SASS6: variants seen among roughly 807,000 people sequenced by gnomAD.
SASS6 encodes the protein spindle assembly abnormal protein 6 homolog.
A neutral mutation model predicts 94.9 loss-of-function variants in SASS6; 59 were observed. The ratio of observed to expected loss-of-function variants is 0.62; its 90% CI spans 0.50 to 0.77. The LOEUF (loss-of-function observed/expected upper bound fraction) is 0.77. Among genes scored for constraint, SASS6 ranks in the 30% least tolerant of loss-of-function variants. SASS6 has a pLI of 0.00. For synonymous variants in SASS6, 264 were observed against 270.0 expected (o/e 0.98, Z 0.22); for missense variants, 698 against 734.1 (o/e 0.95, Z 0.57).
intron 7 of SASS6, among the ~76,000 whole-genome samples, chr1:100,116,890 C>CT (rs1387141104): frequency 1.3e-5 from 2 of 152,178 alleles, no homozygotes; most frequent in South Asian, 2.1e-4. Flanking sequence ...GGTCCAATTT[C>CT]TTTATCTTAA....
At position 100,121,568 on chromosome 1, in the gene SASS6, A is replaced by C. The variant is rs542599244; in HGVS notation, c.312-19T>G. 7.2e-7 allele frequency: 1 copy of C among 1,389,796 alleles called. No homozygotes were observed. Among genetic ancestry groups the C allele is most frequent in the South Asian group, 1.2e-5 (1 of 82,040 alleles). 86.1% of individuals were successfully genotyped at this position (1,389,796 alleles called of 1,614,324 possible). A position where few individuals can be genotyped will look rare whatever the true frequency, so the allele number is the denominator to read the frequency against. ...CAAAAACCTTTGAAAAGAAAATGTT[A>C]CATTATAACACACTTAAGAGATAGT... On this transcript the variant is annotated intron_variant, in intron 4 of 16. Transcript: ENST00000287482.
chr1:100,110,287 A>G lies in SASS6; in HGVS notation c.861+5T>C. 6.5e-7 allele frequency: 1 copy of G among 1,530,770 alleles called. No homozygotes were observed. The highest frequency in any genetic ancestry group is 1.3e-5 in the South Asian group (1 of 79,956). 94.8% of individuals were successfully genotyped at this position (1,530,770 alleles called of 1,614,324 possible). ...TGGGGGAGGAAAAAAAACAACATTCAATACCTCTTCAACACCAGAAAGTTT... is the reference window on the plus strand; with the variant it reads ...TGGGGGAGGAAAAAAAACAACATTCGATACCTCTTCAACACCAGAAAGTTT... On this transcript the variant is annotated splice_donor_5th_base_variant and intron_variant, in intron 8 of 16. Transcript: ENST00000287482.
chr1:100,120,612 C>T (rs571152520), intron 5 of SASS6, among the ~76,000 whole-genome samples, 153 bp from the exon 6 acceptor site: 97 of 152,292 alleles, frequency 6.4e-4, no homozygotes, highest in African/African-American at 2.2e-3. Flanking sequence ...ACAAGATCCC[C>T]AGATAATTTA....
At chr1:100,114,678 A>G (rs1653659549) in intron 7 of SASS6, among the ~76,000 whole-genome samples, 1 of 152,064 alleles carries the variant, frequency 6.6e-6, no homozygotes, top group African/African-American at 2.4e-5. Flanking sequence ...GGACCACACC[A>G]CTGCACTCCA....
At chr1:100,132,324 A>T (rs957676516) in intron 1 of SASS6, among the ~76,000 whole-genome samples, 5 of 152,182 alleles carry the variant, frequency 3.3e-5, no homozygotes, top group African/African-American at 1.2e-4. Context: ...TACTGCCAAC[A>T]TACTTCAAAA....
At chr1:100,123,761 G>C (rs1570710331) in intron 2 of SASS6, among the ~76,000 whole-genome samples, 1 of 152,166 alleles carries the variant, frequency 6.6e-6, no homozygotes, top group Non-Finnish European at 1.5e-5. Flanking sequence ...AGAAGACCAG[G>C]GTATCAGGTA....
rs1321536533 is a variant in SASS6 at position 100,084,675 on chromosome 1, C to T, written c.*653G>A. 6.6e-6 allele frequency: 1 copy of T among 152,032 alleles called. No individual in the cohort carries two copies. The highest frequency in any genetic ancestry group is 2.1e-4 in the South Asian group (1 of 4,826). The allele number at this position is 152,032 out of a possible 1,614,324, so 9.4% of individuals were successfully genotyped here. On this transcript the variant is annotated 3_prime_UTR_variant, in exon 17 of 17. Transcript: ENST00000287482. ...CTGAAGTTTTAAAAACTTGTCAGCT[C>T]AAATGACAAAAGCACTTAATCTGGT... is the stretch of plus-strand genomic sequence containing the variant.
At chr1:100,089,704 T>C (rs1651547636) in intron 14 of SASS6, among the ~76,000 whole-genome samples, 1 of 152,082 alleles carries the variant, frequency 6.6e-6, no homozygotes, top group Non-Finnish European at 1.5e-5. Context: ...AATTAATTCC[T>C]CACAGACCTG....
chr1:100,125,685 A>C (rs1245037304), intron 2 of SASS6, among the ~76,000 whole-genome samples, 197 bp downstream of exon 2: 2 of 151,480 alleles, frequency 1.3e-5, no homozygotes, highest in African/African-American at 4.8e-5. Flanking sequence ...AAAAAAAAAA[A>C]AAAAGAAATA....
Position 100,132,883 on chromosome 1 carries a change from G to C in SASS6, c.-69C>G, listed in dbSNP as rs55863167. On this transcript the variant is annotated 5_prime_UTR_variant, in exon 1 of 17. Coordinates refer to ENST00000287482, the MANE Select transcript of SASS6 (RefSeq NM_194292.3). The stretch of plus-strand genomic sequence containing the variant: ...CCCGGCCCTCGGGATTAGCCTGAGA[G>C]GTCCGGGTCCTGATAAAGTTTGAGT... The C allele has an allele frequency of 0.016, 23,025 of 1,405,288 alleles. 603 individuals are homozygous for C. Among genetic ancestry groups the C allele is most frequent in the African/African-American group, 0.12 (8,220 of 70,276 alleles). The allele number at this position is 1,405,288 out of a possible 1,614,324, so 87.1% of individuals were successfully genotyped here. A position where few individuals can be genotyped will look rare whatever the true frequency, so the allele number is the denominator to read the frequency against.
rs79847274 is a variant in SASS6, at chr1:100,104,371, C to T, written c.1546-1288G>A. ...AACAGGAGAGCCCCAGGCCTATGTG[C>T]GGATGCTAGGTAAGCTCCTAGCAGC... On this transcript the variant is annotated intron_variant, in intron 13 of 16. Transcript: ENST00000287482. Among the ~76,000 whole-genome samples, 643 of 152,274 alleles carry T rather than the reference C, an allele frequency of 4.2e-3. 2 individuals carry two copies. The highest frequency in any genetic ancestry group is 0.014 in the African/African-American group (595 of 41,558).
chr1:100,128,947 A>C (rs1012442819), intron 1 of SASS6, among the ~76,000 whole-genome samples: 3 of 152,116 alleles, frequency 2.0e-5, no homozygotes, highest in Non-Finnish European at 4.4e-5. Context: ...AGAAATAAAC[A>C]TGGTCCAGGG....
chr1:100,125,397 T>G (rs890982277), intron 2 of SASS6, among the ~76,000 whole-genome samples: 1 of 151,654 alleles, frequency 6.6e-6, no homozygotes, highest in East Asian at 1.9e-4. Context: ...ATATATGGTA[T>G]AGGCCGGGCA....
At chr1:100,128,505 A>G (rs568778338) in intron 1 of SASS6, among the ~76,000 whole-genome samples, 2 of 152,364 alleles carry the variant, frequency 1.3e-5, no homozygotes, top group South Asian at 4.1e-4. Flanking sequence ...ATGCCTATAT[A>G]CATTAGATGT....
chr1:100,118,921 T>A (rs1344093397), intron 7 of SASS6, 97 bp downstream of exon 7: 2 of 808,108 alleles, frequency 2.5e-6, no homozygotes, highest in Non-Finnish European at 3.7e-6. Context: ...TTCTGTAACG[T>A]TTGGAAAATT....
chr1:100,091,630 T>TAAAAAAAAAAAAAAAAAAAGAAAAA (rs57639570), intron 14 of SASS6, among the ~76,000 whole-genome samples: 1 of 83,054 alleles, frequency 1.2e-5, no homozygotes, highest in Non-Finnish European at 2.5e-5. Context: ...AAAGTCTCAT[T>TAAAAAAAAAAAAAAAAAAAGAAAAA]AAAAAAAAAA....
rs532690513 is a variant in SASS6 at position 100,089,865 on chromosome 1, T to C, written c.1675-1629A>G. Among the ~76,000 whole-genome samples the C allele has an allele frequency of 2.0e-5, 3 of 152,024 alleles. No homozygotes were observed. In the East Asian group the frequency reaches 5.8e-4, roughly 29 times the overall value. On this transcript the variant is annotated intron_variant, in intron 14 of 16. Transcript: ENST00000287482. ...GTTAACCAAGGAGATTTTTCTTCAT[T>C]GCTTAATGTCTTTTAAATATACTTG...
At chr1:100,118,919 CG>C (rs890403042) in intron 7 of SASS6, 98 bp downstream of exon 7, 86 of 757,470 alleles carry the variant, frequency 1.1e-4, no homozygotes, top group Non-Finnish European at 1.4e-4. Flanking sequence ...ACTTCTGTAA[CG>C]TTTGGAAAAT....
chr1:100,098,148 TA>T (rs748182594), intron 14 of SASS6, among the ~76,000 whole-genome samples: 4 of 151,632 alleles, frequency 2.6e-5, no homozygotes, highest in African/African-American at 9.7e-5. Context: ...TAATGAAGAA[TA>T]AAAACAAACC....
Sources: gnomAD v4.1 joint callset for allele counts (sites outside exome capture counted in the v4.1 genomes callset) on GRCh38, gnomAD v4.1.1 for gene constraint, MANE v1.5 for transcripts, NCBI Gene and HGNC (gene_info 2026-07-23, HGNC 2026-07-21) for gene names.